The following PDSS2 variants were observed in gnomAD, a reference collection of about 807,000 sequenced individuals.
PDSS2 encodes the protein all trans-polyprenyl-diphosphate synthase PDSS2.
In PDSS2, 31 loss-of-function variants were observed where a neutral mutation model predicts 44.5. The ratio of observed to expected loss-of-function variants is 0.70; its 90% CI spans 0.52 to 0.94. PDSS2 has a LOEUF of 0.94. PDSS2 is among the 40% of genes least tolerant of loss of function. The probability of loss-of-function intolerance (pLI) is 0.00; values close to 1 mark genes in which losing one functional copy is unlikely to be tolerated. For missense variants in PDSS2, 452 were observed against 482.2 expected, an observed-to-expected ratio of 0.94 and a Z score of 0.59; for synonymous variants, 157 against 180.3, an observed-to-expected ratio of 0.87 and a Z score of 1.03.
chr6:107,192,365 G>C, intron 7 of PDSS2: 1 of 514,850 alleles, frequency 1.9e-6, no homozygotes, highest in Non-Finnish European at 3.9e-6. Flanking sequence ...AAGCTGCAGA[G>C]TCTGAGACCC....
chr6:107,196,662 A>ATG (rs1772572562), intron 6 of PDSS2, among the ~76,000 whole-genome samples: 3 of 152,034 alleles, frequency 2.0e-5, no homozygotes, highest in Non-Finnish European at 4.4e-5. Flanking sequence ...TCAGAAACTC[A>ATG]CCAAGTGATG....
Position 107,355,832 on chromosome 6 carries a change from A to G in PDSS2, c.297-21500T>C, listed in dbSNP as rs1778582576. ...GTCATATCCCAGCATATGCCAATTT[A>G]GGCAGGATTTCTGGGAGCGGGGCCA... On this transcript the variant is annotated intron_variant, in intron 1 of 7. Coordinates refer to ENST00000369037, the MANE Select transcript of PDSS2 (RefSeq NM_020381.4). 2.0e-5 allele frequency among the ~76,000 whole-genome samples: 3 copies of G among 152,250 alleles called. No individual in the cohort carries two copies. In the South Asian group the frequency reaches 6.2e-4, roughly 31 times the overall value.
rs556988979 is a variant in PDSS2, at chr6:107,387,952, G to A, written c.297-53620C>T. 6.6e-5 allele frequency among the ~76,000 whole-genome samples: 10 copies of A among 152,294 alleles called. No homozygotes were observed. The South Asian group carries it at 2.1e-3, about 32-fold the overall frequency. Reference sequence around the variant, plus strand: ...AATAAATAAACTCTCAAAGAGATTGGCATGCATTACATGATTCTCAATCCT... The same window carrying A: ...AATAAATAAACTCTCAAAGAGATTGACATGCATTACATGATTCTCAATCCT... On this transcript the variant is annotated intron_variant, in intron 1 of 7. Coordinates refer to ENST00000369037, the MANE Select transcript of PDSS2 (RefSeq NM_020381.4).
chr6:107,254,531 G>A (rs1774940462), intron 3 of PDSS2, among the ~76,000 whole-genome samples: 1 of 152,156 alleles, frequency 6.6e-6, no homozygotes. Flanking sequence ...ATAGCAGTTA[G>A]TTGCTTTATT....
intron 4 of PDSS2, among the ~76,000 whole-genome samples, chr6:107,239,015 C>T (rs535849835): frequency 6.6e-5 from 10 of 152,258 alleles, no homozygotes; most frequent in South Asian, 4.1e-4. Flanking sequence ...CTGTGGCTCA[C>T]GCCTGTAATC....
chr6:107,240,234 C>T (rs1471373628), intron 4 of PDSS2, among the ~76,000 whole-genome samples: 1 of 151,890 alleles, frequency 6.6e-6, no homozygotes, highest in Non-Finnish European at 1.5e-5. Context: ...ATGGTGAGAC[C>T]TTGTCTCTAC....
chr6:107,356,434 T>C (rs1000385238), intron 1 of PDSS2, among the ~76,000 whole-genome samples: 7 of 152,220 alleles, frequency 4.6e-5, no homozygotes, highest in Non-Finnish European at 1.0e-4. Context: ...TTCAGGTGTT[T>C]GGAGAAGGAG....
chr6:107,194,247 A>T (rs527967426), intron 6 of PDSS2, among the ~76,000 whole-genome samples: 1 of 152,380 alleles, frequency 6.6e-6, no homozygotes, highest in Non-Finnish European at 1.5e-5. Context: ...TTCCAAGAAT[A>T]TCTTTTATAG....
intron 4 of PDSS2, among the ~76,000 whole-genome samples, chr6:107,227,311 CAG>C (rs1229820703): frequency 1.4e-5 from 1 of 73,742 alleles, no homozygotes; most frequent in African/African-American, 5.1e-5. Context: ...TTTTTTGAGA[CAG>C]AGTCTCACTC....
chr6:107,235,086 T>C (rs1397748815), intron 4 of PDSS2, among the ~76,000 whole-genome samples: 25 of 152,198 alleles, frequency 1.6e-4, no homozygotes, highest in Admixed American at 1.6e-3. Flanking sequence ...TCATAATTGT[T>C]CTAGCTTCTG....
At chr6:107,176,405 T>G (rs1041204502) in intron 7 of PDSS2, among the ~76,000 whole-genome samples, 12 of 132,764 alleles carry the variant, frequency 9.0e-5, no homozygotes, top group South Asian at 2.5e-4. Flanking sequence ...TGTATTCTAT[T>G]CCCCCTTAAC....
chr6:107,278,220 T>A (rs1775853302), intron 2 of PDSS2, among the ~76,000 whole-genome samples: 1 of 151,516 alleles, frequency 6.6e-6, no homozygotes, highest in Non-Finnish European at 1.5e-5. Flanking sequence ...ATTTGGGGAG[T>A]AGAGAAAGGA....
At chr6:107,452,178 A>G (rs1476532961) in intron 1 of PDSS2, among the ~76,000 whole-genome samples, 1 of 151,110 alleles carries the variant, frequency 6.6e-6, no homozygotes, top group Non-Finnish European at 1.5e-5. Context: ...ACAGGCATGC[A>G]CCACCGCACA....
intron 2 of PDSS2, among the ~76,000 whole-genome samples, chr6:107,313,445 T>C (rs1034049678): frequency 2.0e-5 from 3 of 152,064 alleles, no homozygotes; most frequent in Admixed American, 2.0e-4. Flanking sequence ...CTCTGCCTCC[T>C]AGATTCAAGC....
chr6:107,188,265 G>A (rs1772244617), intron 7 of PDSS2, among the ~76,000 whole-genome samples: 1 of 152,044 alleles, frequency 6.6e-6, no homozygotes, highest in African/African-American at 2.4e-5. Flanking sequence ...TGTAGTTCCA[G>A]CTACTTGGGA....
intron 7 of PDSS2, among the ~76,000 whole-genome samples, chr6:107,187,172 A>C (rs932866259): frequency 2.0e-5 from 3 of 152,142 alleles, no homozygotes; most frequent in Admixed American, 2.0e-4. Flanking sequence ...TTTCTTCTCT[A>C]TGTTACTTGG....
intron 1 of PDSS2, among the ~76,000 whole-genome samples, chr6:107,424,548 T>C (rs187586612): frequency 6.6e-6 from 1 of 152,280 alleles, no homozygotes; most frequent in East Asian, 1.9e-4. Context: ...CACTTAGCTA[T>C]TATTTCTCCT....
chr6:107,200,581 T>A (rs903576492), intron 6 of PDSS2, among the ~76,000 whole-genome samples: 1 of 152,158 alleles, frequency 6.6e-6, no homozygotes, highest in African/African-American at 2.4e-5. Context: ...GTAAACTCCA[T>A]AAGTCTCGAG....
At chr6:107,348,079 C>T (rs1009657550) in intron 1 of PDSS2, among the ~76,000 whole-genome samples, 3 of 152,116 alleles carry the variant, frequency 2.0e-5, no homozygotes, top group Non-Finnish European at 2.9e-5. Flanking sequence ...CCTCCTACAC[C>T]CCAAATAAGA....
Sources: gnomAD v4.1 joint callset for allele counts (sites outside exome capture counted in the v4.1 genomes callset) on GRCh38, gnomAD v4.1.1 for gene constraint, MANE v1.5 for transcripts, NCBI Gene and HGNC (gene_info 2026-07-23, HGNC 2026-07-21) for gene names.